GPR149: variants seen among roughly 807,000 people sequenced by gnomAD.
GPR149 encodes the protein G protein-coupled receptor 149.
A neutral mutation model predicts 50.2 loss-of-function variants in GPR149; 50 were observed. The ratio of observed to expected loss-of-function variants is 1.00; its 90% confidence interval spans 0.79 to 1.26. The LOEUF (loss-of-function observed/expected upper bound fraction) is 1.26. Ranked by LOEUF, GPR149 falls within the 50% of genes most tolerant of loss-of-function variation. The pLI, the probability that GPR149 is intolerant of heterozygous loss-of-function variation, is 0.00. For synonymous variants in GPR149, 405 were observed against 358.2 expected (o/e 1.13, Z -1.48); for missense variants, 983 against 895.4 (o/e 1.10, Z -1.25).
chr3:154,356,866 A>C (rs933170354), intron 3 of GPR149, among the ~76,000 whole-genome samples: 3 of 152,184 alleles, frequency 2.0e-5, no homozygotes, highest in African/African-American at 7.2e-5. Flanking sequence ...AAGGGCCCGC[A>C]TCGCCAAGTC....
intron 3 of GPR149, among the ~76,000 whole-genome samples, chr3:154,386,879 A>C (rs909716973): frequency 2.0e-5 from 3 of 152,202 alleles, no homozygotes; most frequent in African/African-American, 4.8e-5. Flanking sequence ...AATATTTTAA[A>C]AATTTTATAA....
At position 154,415,315 on chromosome 3, in the gene GPR149, C is replaced by T. The variant is rs530110163; in HGVS notation, c.1623+5724G>A. On this transcript the variant is annotated intron_variant, in intron 3 of 3. Transcript: ENST00000389740. ...TGCTAATTCCCTTCAATTTGTAGAA[C>T]GTGAGCAGTTAGAGCTATTTTACTC... is the stretch of plus-strand genomic sequence containing the variant. Among the ~76,000 whole-genome samples, 6 of 151,990 alleles carry T rather than the reference C, an allele frequency of 3.9e-5. No individual in the cohort carries two copies. In the South Asian group the frequency reaches 6.2e-4, roughly 16 times the overall value.
At chr3:154,340,637 A>C (rs1383255677) in intron 3 of GPR149, among the ~76,000 whole-genome samples, 1 of 152,254 alleles carries the variant, frequency 6.6e-6, no homozygotes, top group African/African-American at 2.4e-5. Flanking sequence ...ATAAGGTCCA[A>C]GGAATGACTA....
At chr3:154,374,579 A>G (rs554743231) in intron 3 of GPR149, among the ~76,000 whole-genome samples, 1 of 152,104 alleles carries the variant, frequency 6.6e-6, no homozygotes, top group African/African-American at 2.4e-5. Context: ...TTAGACTCAA[A>G]CTAGGGTTAG....
chr3:154,421,852 G>T (rs1057314241), intron 2 of GPR149, among the ~76,000 whole-genome samples: 1 of 151,468 alleles, frequency 6.6e-6, no homozygotes, highest in Non-Finnish European at 1.5e-5. Flanking sequence ...CTTATATTTT[G>T]GGATAAGAGA....
At chr3:154,390,673 C>A (rs2108412237) in intron 3 of GPR149, among the ~76,000 whole-genome samples, 1 of 152,176 alleles carries the variant, frequency 6.6e-6, no homozygotes, top group Non-Finnish European at 1.5e-5. Flanking sequence ...TGAATGAAAA[C>A]TTCCCAAATC....
At chr3:154,414,445 G>A (rs1273772817) in intron 3 of GPR149, among the ~76,000 whole-genome samples, 1 of 151,908 alleles carries the variant, frequency 6.6e-6, no homozygotes, top group African/African-American at 2.4e-5. Flanking sequence ...AATTACCATC[G>A]CATAATAATT....
chr3:154,382,414 G>T (rs1466549022), intron 3 of GPR149, among the ~76,000 whole-genome samples: 1 of 152,144 alleles, frequency 6.6e-6, no homozygotes, highest in Non-Finnish European at 1.5e-5. Context: ...ATCCAGGAAG[G>T]CTGCTGGTAA....
rs142750479 is a variant in GPR149 at position 154,400,713 on chromosome 3, C to T, written c.1623+20326G>A. Among the ~76,000 whole-genome samples the T allele has an allele frequency of 1.7e-3, 256 of 152,280 alleles. 1 individual carries two copies. The highest frequency in any genetic ancestry group is 3.1e-3 in the Non-Finnish European group (210 of 68,014). On this transcript the variant is annotated intron_variant, in intron 3 of 3. Coordinates refer to ENST00000389740, the MANE Select transcript of GPR149 (RefSeq NM_001038705.3). ...ATGAATCAAAAGTTGTAAAGCCACC[C>T]TCCTAAGGTTACAGAATTAAGTTAT...
chr3:154,410,760 C>T (rs190210949), intron 3 of GPR149, among the ~76,000 whole-genome samples: 4 of 152,214 alleles, frequency 2.6e-5, no homozygotes, highest in Admixed American at 2.6e-4. Flanking sequence ...TTTAATACTC[C>T]ACGGACAGCA....
chr3:154,403,866 C>T (rs562497149), intron 3 of GPR149, among the ~76,000 whole-genome samples: 1 of 152,228 alleles, frequency 6.6e-6, no homozygotes, highest in African/African-American at 2.4e-5. Flanking sequence ...GGTCCTGTTC[C>T]ATATGGGTGC....
intron 3 of GPR149, among the ~76,000 whole-genome samples, chr3:154,380,142 T>C (rs1714882711): frequency 7.1e-6 from 1 of 141,680 alleles, no homozygotes; most frequent in Non-Finnish European, 1.5e-5. Flanking sequence ...CTGACAAAAT[T>C]TGTGTGTGTG....
At chr3:154,349,593 T>C (rs1414110463) in intron 3 of GPR149, among the ~76,000 whole-genome samples, 1 of 152,244 alleles carries the variant, frequency 6.6e-6, no homozygotes, top group Non-Finnish European at 1.5e-5. Context: ...ATTAAACTTG[T>C]AGTTTAAAAC....
chr3:154,345,698 T>C (rs185843515), intron 3 of GPR149, among the ~76,000 whole-genome samples: 3 of 152,280 alleles, frequency 2.0e-5, no homozygotes, highest in East Asian at 1.9e-4. Flanking sequence ...ACTACGAGCC[T>C]CCAGGTGAAT....
At chr3:154,381,386 C>T (rs2108406768) in intron 3 of GPR149, among the ~76,000 whole-genome samples, 1 of 152,182 alleles carries the variant, frequency 6.6e-6, no homozygotes, top group South Asian at 2.1e-4. Context: ...ATAACTATAC[C>T]TTATACATGT....
intron 3 of GPR149, among the ~76,000 whole-genome samples, chr3:154,382,748 T>A (rs934635657): frequency 2.0e-5 from 3 of 152,200 alleles, no homozygotes; most frequent in Admixed American, 1.3e-4. Context: ...ACATTCTTAA[T>A]CATATCTAAA....
intron 3 of GPR149, among the ~76,000 whole-genome samples, chr3:154,350,828 C>T (rs906304485): frequency 6.6e-6 from 1 of 152,076 alleles, no homozygotes; most frequent in African/African-American, 2.4e-5. Flanking sequence ...TGCTTAAGTC[C>T]CTTATATAAA....
chr3:154,377,612 C>T (rs772774634), intron 3 of GPR149, among the ~76,000 whole-genome samples: 3 of 152,044 alleles, frequency 2.0e-5, no homozygotes, highest in Admixed American at 6.6e-5. Context: ...GTGATCCCTT[C>T]GTCTCTGCCT....
intron 3 of GPR149, among the ~76,000 whole-genome samples, chr3:154,394,901 T>C (rs1173167609): frequency 6.6e-6 from 1 of 152,176 alleles, no homozygotes; most frequent in Non-Finnish European, 1.5e-5. Flanking sequence ...ATGGCTATTG[T>C]AATGATCTTC....
Sources: gnomAD v4.1 joint callset for allele counts (sites outside exome capture counted in the v4.1 genomes callset) on GRCh38, gnomAD v4.1.1 for gene constraint, MANE v1.5 for transcripts, NCBI Gene and HGNC (gene_info 2026-07-23, HGNC 2026-07-21) for gene names.